The following SLC2A13 variants were observed in gnomAD, a reference collection of about 807,000 sequenced individuals.
The protein encoded by SLC2A13 is solute carrier family 2 member 13.
In SLC2A13, 32 loss-of-function variants were observed where a neutral mutation model predicts 64.4. That is an observed-to-expected ratio of 0.50 (90% CI 0.37 to 0.67). The LOEUF (loss-of-function observed/expected upper bound fraction) is 0.67. Ranked by LOEUF, SLC2A13 falls within the 30% of genes least tolerant of loss-of-function variation. SLC2A13 has a pLI of 0.00. For synonymous variants in SLC2A13, 338 were observed against 327.1 expected, an observed-to-expected ratio of 1.03 and a Z score of -0.36; for missense variants, 743 against 829.2, an observed-to-expected ratio of 0.90 and a Z score of 1.28.
At chr12:40,028,761 A>G (rs532054173) in intron 2 of SLC2A13, among the ~76,000 whole-genome samples, 2 of 152,356 alleles carry the variant, frequency 1.3e-5, no homozygotes, top group Admixed American at 1.3e-4. Context: ...AATGAGCAAA[A>G]GCTACAGTCA....
At chr12:39,981,031 C>T (rs548302000) in intron 3 of SLC2A13, among the ~76,000 whole-genome samples, 2,011 of 151,716 alleles carry the variant, frequency 0.013, 113 homozygotes, top group Admixed American at 0.092. Context: ...CACTCAAAGC[C>T]GCTCAACTAC....
At chr12:39,813,660 A>C (rs1942255823) in intron 7 of SLC2A13, among the ~76,000 whole-genome samples, 3 of 152,230 alleles carry the variant, frequency 2.0e-5, no homozygotes, top group Admixed American at 1.3e-4. Flanking sequence ...TCAAGATTCA[A>C]ATAAGGCCCA....
At chr12:39,966,499 A>G (rs1297097482) in intron 3 of SLC2A13, among the ~76,000 whole-genome samples, 1 of 152,176 alleles carries the variant, frequency 6.6e-6, no homozygotes, top group East Asian at 1.9e-4. Flanking sequence ...GAAACCATAG[A>G]AGTGAGTTCC....
intron 6 of SLC2A13, among the ~76,000 whole-genome samples, chr12:39,849,180 T>TA (rs1035175384): frequency 2.0e-5 from 3 of 151,984 alleles, no homozygotes; most frequent in African/African-American, 4.8e-5. Flanking sequence ...AATAAAGATT[T>TA]AAAAAAAAAT....
intron 4 of SLC2A13, among the ~76,000 whole-genome samples, chr12:39,896,611 T>C (rs757949382): frequency 1.1e-4 from 16 of 151,438 alleles, no homozygotes; most frequent in Non-Finnish European, 2.1e-4. Context: ...TATGTATATG[T>C]GTTTATATGT....
At chr12:39,792,942 A>G (rs945170970) in intron 7 of SLC2A13, among the ~76,000 whole-genome samples, 2 of 152,132 alleles carry the variant, frequency 1.3e-5, no homozygotes, top group Non-Finnish European at 2.9e-5. Flanking sequence ...AACCAAAGTT[A>G]TGAACTTTAA....
chr12:39,921,925 ATAAAT>A (rs989629905), intron 4 of SLC2A13, among the ~76,000 whole-genome samples: 3 of 151,462 alleles, frequency 2.0e-5, no homozygotes, highest in African/African-American at 7.4e-5. Context: ...AAAAGTGCTA[ATAAAT>A]TAAAAGATCA....
intron 7 of SLC2A13, among the ~76,000 whole-genome samples, chr12:39,816,442 A>C (rs1270221018): frequency 1.5e-5 from 1 of 67,412 alleles, no homozygotes; most frequent in Non-Finnish European, 2.8e-5. Flanking sequence ...GGGTGGGGGG[A>C]GGGGGGAGGG....
At chr12:39,825,792 T>C (rs1421336767) in intron 7 of SLC2A13, among the ~76,000 whole-genome samples, 1 of 152,158 alleles carries the variant, frequency 6.6e-6, no homozygotes, top group Non-Finnish European at 1.5e-5. Context: ...CGAGTATTTC[T>C]TTGCTTTGCA....
intron 4 of SLC2A13, among the ~76,000 whole-genome samples, chr12:39,923,245 G>A (rs11174293): frequency 0.085 from 12,983 of 151,902 alleles, 694 homozygotes; most frequent in Admixed American, 0.14. Context: ...AATAAAAGTG[G>A]AAACAACACA....
chr12:39,876,029 C>T (rs1440687042), intron 4 of SLC2A13, among the ~76,000 whole-genome samples: 3 of 152,156 alleles, frequency 2.0e-5, no homozygotes, highest in Non-Finnish European at 1.5e-5. Flanking sequence ...GCAGGCATAC[C>T]TTCTCCTTTC....
intron 4 of SLC2A13, among the ~76,000 whole-genome samples, chr12:39,899,580 C>G (rs1945028613): frequency 6.6e-6 from 1 of 152,024 alleles, no homozygotes; most frequent in African/African-American, 2.4e-5. Flanking sequence ...GTTAGGGTGT[C>G]AATTTTGGAT....
At chr12:39,786,305 G>T (rs964166860) in intron 7 of SLC2A13, among the ~76,000 whole-genome samples, 32 of 151,800 alleles carry the variant, frequency 2.1e-4, no homozygotes, top group Non-Finnish European at 2.9e-5. Flanking sequence ...TTTATCAGGG[G>T]TTTCCTCTTT....
intron 1 of SLC2A13, among the ~76,000 whole-genome samples, chr12:40,079,425 C>T (rs1938306541): frequency 6.6e-6 from 1 of 152,110 alleles, no homozygotes; most frequent in Admixed American, 6.6e-5. Flanking sequence ...TTTGGGGGAT[C>T]TTCTTGGTAT....
intron 2 of SLC2A13, among the ~76,000 whole-genome samples, chr12:40,029,844 G>A (rs1947877417): frequency 6.6e-6 from 1 of 152,152 alleles, no homozygotes; most frequent in Non-Finnish European, 1.5e-5. Flanking sequence ...TTACGCTTTA[G>A]GCCATGGATT....
chr12:39,939,744 A>G (rs1338417507), intron 4 of SLC2A13, among the ~76,000 whole-genome samples: 1 of 152,238 alleles, frequency 6.6e-6, no homozygotes, highest in East Asian at 1.9e-4. Flanking sequence ...TTTGTTGAAC[A>G]AAGTACAATT....
chr12:39,923,930 A>C (rs1377604859), intron 4 of SLC2A13, among the ~76,000 whole-genome samples: 2 of 152,066 alleles, frequency 1.3e-5, no homozygotes, highest in Non-Finnish European at 2.9e-5. Flanking sequence ...AAAAGAATTA[A>C]AACAAACATG....
intron 3 of SLC2A13, among the ~76,000 whole-genome samples, chr12:39,994,111 C>G (rs576957105): frequency 6.6e-5 from 10 of 152,096 alleles, no homozygotes; most frequent in Non-Finnish European, 1.5e-4. Context: ...TAATCTCTGC[C>G]GGGCGCGGTG....
rs536199724 is a variant in SLC2A13 at position 40,011,072 on chromosome 12, C to T, written c.925+17229G>A. Among the ~76,000 whole-genome samples, 6 of 152,276 alleles carry T rather than the reference C, an allele frequency of 3.9e-5. No homozygotes were observed. In the South Asian group the frequency reaches 6.2e-4, roughly 16 times the overall value. On this transcript the variant is annotated intron_variant, in intron 3 of 9. Coordinates refer to ENST00000280871, the MANE Select transcript of SLC2A13 (RefSeq NM_052885.4). ...ATGTGGTAAAAAATACAACAACCTA[C>T]GATCCAGGCTACAGCCAGAGGCTCA...
Sources: allele counts gnomAD v4.1 joint callset (sites outside exome capture counted in the v4.1 genomes callset), GRCh38; gene constraint gnomAD v4.1.1; transcripts MANE v1.5; gene names NCBI Gene and HGNC (gene_info 2026-07-23, HGNC 2026-07-21).